Variants in WASF1 observed in about 807,000 individuals in gnomAD.
The protein encoded by WASF1 is WASP family member 1.
In WASF1, 7 loss-of-function variants were observed where a neutral mutation model predicts 50.5. That is an observed-to-expected ratio of 0.14 (90% CI 0.08 to 0.26). The LOEUF is 0.26. Among genes scored for constraint, WASF1 ranks in the 10% least tolerant of loss-of-function variants. The pLI is 1.00. For missense variants in WASF1, 470 were observed against 694.7 expected (o/e 0.68, Z 3.64); for synonymous variants, 205 against 244.0 (o/e 0.84, Z 1.49).
rs139160392 is a variant in WASF1 at position 110,114,430 on chromosome 6, A to G, written c.134-970T>C. On this transcript the variant is annotated intron_variant, in intron 4 of 10. Coordinates refer to ENST00000392589, the MANE Select transcript of WASF1 (RefSeq NM_003931.3). Reference sequence around the variant, plus strand: ...AGGGCAATTATAAAAAAAGAAAAGGAAAATCATGAAGCCATTGCTGCAGAT... The same window carrying G: ...AGGGCAATTATAAAAAAAGAAAAGGGAAATCATGAAGCCATTGCTGCAGAT... Among the ~76,000 whole-genome samples the G allele has an allele frequency of 2.0e-3, 302 of 152,324 alleles. 2 individuals carry two copies. Among genetic ancestry groups the G allele is most frequent in the African/African-American group, 7.0e-3 (293 of 41,592 alleles).
chr6:110,152,047 A>G (rs928055297), intron 3 of WASF1, among the ~76,000 whole-genome samples: 2 of 152,194 alleles, frequency 1.3e-5, no homozygotes, highest in Non-Finnish European at 2.9e-5. Context: ...AGTCCCTAGC[A>G]CTATTCCTAT....
intron 3 of WASF1, among the ~76,000 whole-genome samples, chr6:110,128,834 G>C (rs1273353817): frequency 6.6e-6 from 1 of 152,194 alleles, no homozygotes; most frequent in Admixed American, 6.5e-5. Context: ...CCACCTGTCA[G>C]ATCAGTGGCG....
At chr6:110,121,729 G>A (rs1366411615) in intron 4 of WASF1, among the ~76,000 whole-genome samples, 1 of 152,136 alleles carries the variant, frequency 6.6e-6, no homozygotes, top group Admixed American at 6.5e-5. Flanking sequence ...AAAGACAAAT[G>A]CACATGTATG....
At chr6:110,165,699 T>C (rs954230688) in intron 2 of WASF1, among the ~76,000 whole-genome samples, 1 of 151,728 alleles carries the variant, frequency 6.6e-6, no homozygotes, top group South Asian at 2.1e-4. Context: ...TCTAACTACT[T>C]CTTTCTGACA....
intron 4 of WASF1, among the ~76,000 whole-genome samples, chr6:110,114,515 A>C (rs971546634): frequency 6.6e-6 from 1 of 152,210 alleles, no homozygotes; most frequent in Non-Finnish European, 1.5e-5. Flanking sequence ...TTGTATCAAA[A>C]TGCAATTTTT....
At chr6:110,172,416 T>C (rs1158123348) in intron 2 of WASF1, among the ~76,000 whole-genome samples, 1 of 152,108 alleles carries the variant, frequency 6.6e-6, no homozygotes, top group East Asian at 1.9e-4. Context: ...TGAAGATTCC[T>C]TGAAAATAAC....
chr6:110,168,053 GC>G (rs1776548520), intron 2 of WASF1, among the ~76,000 whole-genome samples: 1 of 151,860 alleles, frequency 6.6e-6, no homozygotes, highest in Admixed American at 6.6e-5. Flanking sequence ...TTTTCCAAAA[GC>G]CCTTTTATAA....
chr6:110,125,976 G>T (rs576973744), intron 4 of WASF1, among the ~76,000 whole-genome samples: 1 of 152,170 alleles, frequency 6.6e-6, no homozygotes, highest in South Asian at 2.1e-4. Flanking sequence ...CACAATATTA[G>T]TTCTAAATTC....
chr6:110,148,954 T>A (rs936356009), intron 3 of WASF1, among the ~76,000 whole-genome samples: 1 of 152,240 alleles, frequency 6.6e-6, no homozygotes, highest in South Asian at 2.1e-4. Context: ...AAACTTTCTA[T>A]AGTCAGCCAA....
chr6:110,119,332 A>G (rs556601060), intron 4 of WASF1, among the ~76,000 whole-genome samples: 13 of 152,310 alleles, frequency 8.5e-5, no homozygotes, highest in Non-Finnish European at 1.6e-4. Context: ...AATCAAATAG[A>G]CACAATAAAA....
intron 4 of WASF1, among the ~76,000 whole-genome samples, chr6:110,113,894 A>G (rs1456836269): frequency 6.6e-6 from 1 of 152,226 alleles, no homozygotes; most frequent in Non-Finnish European, 1.5e-5. Flanking sequence ...GTTAAAATTT[A>G]TCAAAATTTA....
At chr6:110,165,895 C>A (rs1246420571) in intron 2 of WASF1, among the ~76,000 whole-genome samples, 1 of 151,678 alleles carries the variant, frequency 6.6e-6, no homozygotes, top group East Asian at 1.9e-4. Flanking sequence ...TTCTCGTGCA[C>A]CCTTCTAGCT....
intron 3 of WASF1, among the ~76,000 whole-genome samples, chr6:110,155,595 C>T (rs1284347044): frequency 2.8e-5 from 2 of 70,472 alleles, no homozygotes; most frequent in African/African-American, 6.4e-5. Flanking sequence ...GGTACATGTG[C>T]ACATTGTGCA....
At chr6:110,134,974 A>G (rs1431002833) in intron 3 of WASF1, among the ~76,000 whole-genome samples, 1 of 152,114 alleles carries the variant, frequency 6.6e-6, no homozygotes, top group African/African-American at 2.4e-5. Context: ...TCATTTTCAC[A>G]ATACTGATTC....
chr6:110,133,000 C>T (rs1260964638), intron 3 of WASF1, among the ~76,000 whole-genome samples: 1 of 142,406 alleles, frequency 7.0e-6, no homozygotes, highest in African/African-American at 2.7e-5. Context: ...TGGAATACTA[C>T]ACAGCCATAA....
intron 3 of WASF1, among the ~76,000 whole-genome samples, chr6:110,129,878 C>G (rs900492395): frequency 1.3e-5 from 2 of 152,080 alleles, no homozygotes; most frequent in South Asian, 4.1e-4. Context: ...AAAGAGCGTA[C>G]GTTAAAATAC....
chr6:110,123,486 T>C (rs1391738487), intron 4 of WASF1, among the ~76,000 whole-genome samples: 1 of 152,212 alleles, frequency 6.6e-6, no homozygotes, highest in Non-Finnish European at 1.5e-5. Context: ...AGCAAATATT[T>C]AAAGCAATTT....
At chr6:110,118,347 CAAAAAAAAAAAAAAAAAA>C (rs56948481) in intron 4 of WASF1, among the ~76,000 whole-genome samples, 5 of 7,476 alleles carry the variant, frequency 6.7e-4, no homozygotes, top group Admixed American at 2.7e-3. Context: ...AAACGGAAAG[CAAAAAAAAAAAAAAAAAA>C]AAAAAAAAAA....
intron 4 of WASF1, among the ~76,000 whole-genome samples, chr6:110,124,218 CTCT>C (rs1242049920): frequency 3.2e-5 from 2 of 62,204 alleles, no homozygotes; most frequent in Non-Finnish European, 5.5e-5. Context: ...TCTCTCTCTC[CTCT>C]CTCTCCTCTC....
Sources: allele counts gnomAD v4.1 joint callset (sites outside exome capture counted in the v4.1 genomes callset), GRCh38; gene constraint gnomAD v4.1.1; transcripts MANE v1.5; gene names NCBI Gene and HGNC (gene_info 2026-07-23, HGNC 2026-07-21).